The following AGAP6 variants were observed in gnomAD, a reference collection of about 807,000 sequenced individuals.
AGAP6 encodes the protein arf-GAP with GTPase, ANK repeat and PH domain-containing protein 6.
Under a neutral mutation model 63.9 loss-of-function variants are expected in AGAP6, and 29 were observed. The observed-to-expected ratio is 0.45, with a 90% confidence interval of 0.34 to 0.62. AGAP6 has a LOEUF of 0.62. Ranked by LOEUF, AGAP6 falls within the 20% of genes least tolerant of loss-of-function variation. AGAP6 has a pLI of 0.01. For missense variants in AGAP6, 493 were observed against 884.9 expected (o/e 0.56, Z 5.62); for synonymous variants, 199 against 332.9 (o/e 0.60, Z 4.38).
intron 3 of AGAP6, among the ~76,000 whole-genome samples, chr10:49,993,761 A>G (rs1199696344): frequency 6.6e-6 from 1 of 150,748 alleles, no homozygotes; most frequent in African/African-American, 2.4e-5. Context: ...CAGAGGTTGC[A>G]GTGAGCTGAG....
At chr10:50,007,361 C>T (rs1841947033) in intron 6 of AGAP6, among the ~76,000 whole-genome samples, 1 of 50,694 alleles carries the variant, frequency 2.0e-5, no homozygotes, top group African/African-American at 6.9e-5. Context: ...CATTGCACTC[C>T]AGCCTGGGCA....
Position 49,991,718 on chromosome 10 carries a change from T to C in AGAP6, c.335T>C (p.Ile112Thr). 1.3e-6 allele frequency: 2 copies of C among 1,598,854 alleles called. No individual in the cohort carries two copies. The highest frequency in any genetic ancestry group is 1.7e-6 in the Non-Finnish European group (2 of 1,179,746). Residue 112 changes from isoleucine to threonine, a missense_variant, in exon 3 of 8, where the codon ATA (isoleucine) becomes ACA (threonine). Coordinates refer to ENST00000412531, the MANE Select transcript of AGAP6 (RefSeq NM_001077665.3). ...NPSANPEAST[I>T]FQRNSQTDVV... ...TCTGCCAATCCAGAGGCAAGCACAA[T>C]ATTCCAGAGGAACTCTCAAACAGAT...
At chr10:49,997,052 T>G (rs1219058740) in intron 4 of AGAP6, among the ~76,000 whole-genome samples, 3 of 147,788 alleles carry the variant, frequency 2.0e-5, no homozygotes, top group African/African-American at 7.6e-5. Flanking sequence ...AATCCAAATT[T>G]AGGACCTGTG....
rs1181835493 is a variant in AGAP6 at position 50,009,638 on chromosome 10, A to G, written c.1513A>G (p.Ile505Val). The change falls in exon 8 of 8, where the codon ATC becomes GTC. Residue 505 changes from isoleucine (I) to valine (V), a missense_variant. Ile to Val is a conservative substitution (Grantham distance 29, BLOSUM62 3). Around this residue, in one of 7 missense-constraint regions of AGAP6, gnomAD observed 87 missense variants for 92.9 expected, o/e 0.94. Transcript: ENST00000412531. ...GVLMCIECSG[I>V]HRSLGPHLSR... ...CCTCATGTGTATTGAATGCTCAGGT[A>G]TCCACCGCAGTCTTGGCCCCCACCT... 2 of 1,612,894 alleles carry G rather than the reference A, an allele frequency of 1.2e-6. No homozygotes were observed. Among genetic ancestry groups the G allele is most frequent in the East Asian group, 2.2e-5 (1 of 44,894 alleles).
At chr10:49,994,123 G>A (rs1330523783) in intron 3 of AGAP6, among the ~76,000 whole-genome samples, 1 of 151,926 alleles carries the variant, frequency 6.6e-6, no homozygotes, top group Non-Finnish European at 1.5e-5. Context: ...TTTTCATCTG[G>A]CCTAATTTTT....
At chr10:50,008,001 G>C (rs782046883) in intron 6 of AGAP6, 24 bp from the exon 7 acceptor site, 44 of 1,611,734 alleles carry the variant, frequency 2.7e-5, no homozygotes, top group Non-Finnish European at 3.2e-5. Context: ...AGTTTTTGAA[G>C]TAATGCGCTT....
chr10:50,006,915 G>C (rs1235735087), intron 6 of AGAP6, among the ~76,000 whole-genome samples: 2 of 152,074 alleles, frequency 1.3e-5, no homozygotes, highest in Non-Finnish European at 2.9e-5. Context: ...GTGAAGAATA[G>C]AATGACTACT....
At chr10:49,992,006 C>CT (rs1272751357) in intron 3 of AGAP6, among the ~76,000 whole-genome samples, 3 of 152,106 alleles carry the variant, frequency 2.0e-5, no homozygotes, top group African/African-American at 7.2e-5. Flanking sequence ...ATGGATTTCT[C>CT]TTTATAATTC....
At chr10:49,994,265 T>G in intron 3 of AGAP6, 130 bp from the exon 4 acceptor site, 1 of 1,048,686 alleles carries the variant, frequency 9.5e-7, no homozygotes, top group Non-Finnish European at 1.3e-6. Context: ...AAATTATAAA[T>G]TATTGAAAAT....
chr10:49,994,445 A>T lies in AGAP6; in HGVS notation c.396+16A>T. The T allele has an allele frequency of 6.6e-7, 1 of 1,525,070 alleles. No individual in the cohort carries two copies. The highest frequency in any genetic ancestry group is 8.9e-7 in the Non-Finnish European group (1 of 1,125,602). The allele number at this position is 1,525,070 out of a possible 1,614,324, so 94.5% of individuals were successfully genotyped here. ...TACAAACCATGTAAGTAAACACTCA[A>T]ATACTTAAGAAATTGATAGTTTGAC... On this transcript the variant is annotated intron_variant, in intron 4 of 7. Transcript: ENST00000412531.
At chr10:49,990,210 A>G (rs1841214139) in intron 2 of AGAP6, among the ~76,000 whole-genome samples, 1 of 152,194 alleles carries the variant, frequency 6.6e-6, no homozygotes. Flanking sequence ...AGGCTGTGGC[A>G]GGCAGATCAC....
chr10:49,996,185 TG>T (rs1291368992), intron 4 of AGAP6, among the ~76,000 whole-genome samples: 1 of 152,220 alleles, frequency 6.6e-6, no homozygotes, highest in East Asian at 1.9e-4. Flanking sequence ...GGATATTCTG[TG>T]ACTTTATCCT....
At chr10:50,005,345 C>T (rs1841876544) in intron 6 of AGAP6, among the ~76,000 whole-genome samples, 2 of 152,236 alleles carry the variant, frequency 1.3e-5, no homozygotes, top group East Asian at 3.8e-4. Context: ...GGCACGGTGG[C>T]TCACGCCTGT....
chr10:50,004,644 A>T lies in AGAP6; in HGVS notation c.498-41A>T, dbSNP rs1370787722. On this transcript the variant is annotated intron_variant, in intron 5 of 7. Coordinates refer to ENST00000412531, the MANE Select transcript of AGAP6 (RefSeq NM_001077665.3). ...TAAAAAATGTCTTCAGGCCTAACAA[A>T]TGATAACATCTATTGTTATGAATTT... 4.8e-6 allele frequency: 5 copies of T among 1,049,786 alleles called. No homozygotes were observed. The Admixed American group carries it at 1.4e-4, about 30-fold the overall frequency. 65.0% of individuals were successfully genotyped at this position (1,049,786 alleles called of 1,614,324 possible).
chr10:50,007,143 G>A (rs1841938493), intron 6 of AGAP6, among the ~76,000 whole-genome samples: 1 of 152,082 alleles, frequency 6.6e-6, no homozygotes. Flanking sequence ...TGTAATCCCA[G>A]CACTTTGGGA....
At chr10:49,999,691 G>A (rs373482474) in intron 4 of AGAP6, among the ~76,000 whole-genome samples, 4,471 of 129,136 alleles carry the variant, frequency 0.035, 712 homozygotes, top group African/African-American at 0.12. Flanking sequence ...GTTTGATGAT[G>A]ATATGATCAT....
chr10:50,005,660 T>G (rs544307708), intron 6 of AGAP6, among the ~76,000 whole-genome samples: 8 of 139,824 alleles, frequency 5.7e-5, no homozygotes, highest in African/African-American at 1.6e-4. Context: ...GTGGTTCACA[T>G]CTGTAATCCC....
chr10:50,004,291 G>C, intron 5 of AGAP6, among the ~76,000 whole-genome samples: 1 of 150,862 alleles, frequency 6.6e-6, no homozygotes, highest in East Asian at 1.9e-4. Context: ...GGGTGGTGGA[G>C]GTTGTGAGGA....
chr10:49,989,278 C>T (rs1554860301), intron 1 of AGAP6, 30 bp from the exon 2 acceptor site: 6 of 1,596,012 alleles, frequency 3.8e-6, no homozygotes, highest in Non-Finnish European at 5.1e-6. Flanking sequence ...ATGATTACAT[C>T]CTTTTTCTTT....
Sources: allele counts gnomAD v4.1 joint callset (sites outside exome capture counted in the v4.1 genomes callset), GRCh38; gene constraint gnomAD v4.1.1; regional missense constraint gnomAD v4.1.1; transcripts MANE v1.5; gene names NCBI Gene and HGNC (gene_info 2026-07-23, HGNC 2026-07-21).